TULP4: variants seen among roughly 807,000 people sequenced by gnomAD.
TULP4 encodes the protein TUB like protein 4, also known as tubby-related protein 4.
In TULP4, 16 loss-of-function variants were observed where a neutral mutation model predicts 129.0. The observed-to-expected ratio is 0.12, with a 90% CI of 0.08 to 0.19. The LOEUF (loss-of-function observed/expected upper bound fraction) is 0.19, where lower values mean the gene tolerates loss of function less well. Among genes scored for constraint, TULP4 ranks in the 10% least tolerant of loss-of-function variants. The pLI is 1.00. For synonymous variants in TULP4, 998 were observed against 854.0 expected (o/e 1.17, Z -2.94); for missense variants, 1,842 against 2,059.1 (o/e 0.89, Z 2.04).
At chr6:158,367,105 A>C (rs1401809284) in intron 1 of TULP4, among the ~76,000 whole-genome samples, 1 of 151,904 alleles carries the variant, frequency 6.6e-6, no homozygotes, top group African/African-American at 2.4e-5. Context: ...CTCCAAGACC[A>C]CATCCATGGG....
intron 2 of TULP4, among the ~76,000 whole-genome samples, chr6:158,418,051 A>G (rs1778251204): frequency 6.6e-6 from 1 of 151,250 alleles, no homozygotes; most frequent in African/African-American, 2.4e-5. Flanking sequence ...AACCTTCTGC[A>G]GTTGAAAAAC....
chr6:158,243,759 C>T (rs1777970420), intron 1 of TULP4, among the ~76,000 whole-genome samples: 1 of 151,756 alleles, frequency 6.6e-6, no homozygotes, highest in Non-Finnish European at 1.5e-5. Flanking sequence ...GTGATACTAG[C>T]AACCATTCTT....
chr6:158,242,197 A>G lies in TULP4; in HGVS notation n.68+9894A>G, dbSNP rs1057424197. On this transcript the variant is annotated intron_variant and non_coding_transcript_variant, in intron 1 of 1. Coordinates refer to the TULP4 transcript ENST00000620026. The stretch of plus-strand genomic sequence containing the variant: ...CTCAGTCTCATCAGTGTCTTCTGAT[A>G]ATGAATGGTGGCAAAGACCTTCAGC... 6 of 1,367,408 alleles carry G rather than the reference A, an allele frequency of 4.4e-6. No individual in the cohort carries two copies. The African/African-American group carries it at 8.7e-5, about 20-fold the overall frequency. 84.7% of individuals were successfully genotyped at this position (1,367,408 alleles called of 1,614,324 possible). A position where few individuals can be genotyped will look rare whatever the true frequency, so the allele number is the denominator to read the frequency against.
chr6:158,404,904 T>G (rs1011310017), intron 1 of TULP4, among the ~76,000 whole-genome samples: 3 of 152,168 alleles, frequency 2.0e-5, no homozygotes, highest in Non-Finnish European at 4.4e-5. Context: ...ACTGGTGATA[T>G]TTTAAGCCGA....
Position 158,413,296 on chromosome 6 carries a change from T to G in TULP4, c.381+103T>G. The G allele has an allele frequency of 7.6e-7, 1 of 1,320,930 alleles. No individual in the cohort carries two copies. The highest frequency in any genetic ancestry group is 2.5e-5 in the East Asian group (1 of 40,404). 81.8% of individuals were successfully genotyped at this position (1,320,930 alleles called of 1,614,324 possible). A position where few individuals can be genotyped will look rare whatever the true frequency, so the allele number is the denominator to read the frequency against. On this transcript the variant is annotated intron_variant, in intron 2 of 13. Transcript: ENST00000367097. This position sits in a 1 kb window ranked among gnomAD's most constrained non-coding sequence, Gnocchi z 4.9. Reference sequence around the variant, plus strand: ...GTTAGCACCACACAGCGCCACGTGCTCCAGAGCTGGGGGAAGAGAAATCAA... The same window carrying G: ...GTTAGCACCACACAGCGCCACGTGCGCCAGAGCTGGGGGAAGAGAAATCAA...
intron 1 of TULP4, among the ~76,000 whole-genome samples, chr6:158,351,164 A>G (rs1168762280): frequency 6.6e-6 from 1 of 152,190 alleles, no homozygotes; most frequent in Non-Finnish European, 1.5e-5. Context: ...CCTGAGTTAT[A>G]CAGTACTGAA....
chr6:158,282,046 T>C (rs1778764351), upstream of TULP4, among the ~76,000 whole-genome samples: 1 of 152,208 alleles, frequency 6.6e-6, no homozygotes, highest in Non-Finnish European at 1.5e-5. Context: ...TGTCTTCTTT[T>C]TCTTAGCTCT....
At chr6:158,297,599 T>C (rs1779056706) in intron 1 of TULP4, among the ~76,000 whole-genome samples, 1 of 152,222 alleles carries the variant, frequency 6.6e-6, no homozygotes, top group South Asian at 2.1e-4. Flanking sequence ...TAAGAAATTA[T>C]AAAAGTATTA....
Position 158,421,235 on chromosome 6 carries a change from G to A in TULP4, c.381+8042G>A, listed in dbSNP as rs181651661. Among the ~76,000 whole-genome samples the A allele has an allele frequency of 5.2e-3, 797 of 152,182 alleles. 7 individuals are homozygous for A. The highest frequency in any genetic ancestry group is 0.018 in the African/African-American group (755 of 41,542). On this transcript the variant is annotated intron_variant, in intron 2 of 13. Transcript: ENST00000367097. The stretch of plus-strand genomic sequence containing the variant: ...AAATTAGCCAGGCGTGGTGGCACGC[G>A]CCTGTAGTCCCAGCTACTCGGGAGG...
intron 2 of TULP4, among the ~76,000 whole-genome samples, chr6:158,423,009 GCTCACGCCTGTAAT>G (rs1463634820): frequency 6.6e-6 from 1 of 152,154 alleles, no homozygotes; most frequent in East Asian, 1.9e-4. Context: ...AAACTTACAG[GCTCACGCCTGTAAT>G]CCAAGCTCTC....
At chr6:158,340,523 C>G (rs1462831176) in intron 1 of TULP4, among the ~76,000 whole-genome samples, 1 of 152,094 alleles carries the variant, frequency 6.6e-6, no homozygotes. Flanking sequence ...ACAGAGTTGA[C>G]CGTACTGCTC....
chr6:158,280,796 T>C (rs1253947710), upstream of TULP4, among the ~76,000 whole-genome samples: 1 of 152,258 alleles, frequency 6.6e-6, no homozygotes, highest in East Asian at 1.9e-4. Flanking sequence ...TAATTTGTCA[T>C]CTAAATTAGA....
intron 2 of TULP4, among the ~76,000 whole-genome samples, chr6:158,422,289 T>C (rs1778363438): frequency 1.3e-5 from 2 of 152,286 alleles, no homozygotes; most frequent in Admixed American, 6.5e-5. Flanking sequence ...AAATTGGGCA[T>C]AGCTATAAAT....
intron 5 of TULP4, among the ~76,000 whole-genome samples, chr6:158,453,124 G>A (rs1263686409): frequency 6.6e-6 from 1 of 152,080 alleles, no homozygotes; most frequent in Admixed American, 6.5e-5. Flanking sequence ...AGTCATTACC[G>A]TGCGCTACTG....
At chr6:158,376,881 G>A (rs1280305218) in intron 1 of TULP4, among the ~76,000 whole-genome samples, 1 of 152,244 alleles carries the variant, frequency 6.6e-6, no homozygotes, top group African/African-American at 2.4e-5. Context: ...GAGCAGCTGA[G>A]GGACTCAGGG....
chr6:158,378,065 C>T (rs915998815), intron 1 of TULP4, among the ~76,000 whole-genome samples: 2 of 152,144 alleles, frequency 1.3e-5, no homozygotes, highest in African/African-American at 4.8e-5. Context: ...TCTCTTTGTC[C>T]AGTAGGCTAG....
chr6:158,376,300 G>A (rs1777188658), intron 1 of TULP4, among the ~76,000 whole-genome samples: 1 of 152,208 alleles, frequency 6.6e-6, no homozygotes, highest in Non-Finnish European at 1.5e-5. Context: ...CAGTCGAATG[G>A]TGGGTGGGTG....
At chr6:158,435,801 C>G (rs535355325) in intron 3 of TULP4, among the ~76,000 whole-genome samples, 11 of 152,308 alleles carry the variant, frequency 7.2e-5, no homozygotes, top group South Asian at 2.1e-4. Context: ...TCCTCTCCCC[C>G]CTGCCTCTCC....
intron 1 of TULP4, among the ~76,000 whole-genome samples, chr6:158,303,577 AG>A (rs1454259890): frequency 1.3e-5 from 2 of 152,062 alleles, no homozygotes; most frequent in Non-Finnish European, 2.9e-5. Flanking sequence ...AAAGATCACA[AG>A]GCAAAGGGCA....
Sources: gnomAD v4.1 joint callset for allele counts (sites outside exome capture counted in the v4.1 genomes callset) on GRCh38, gnomAD v4.1.1 for gene constraint, Gnocchi (gnomAD v3.1) non-coding constraint, MANE v1.5 for transcripts, NCBI Gene and HGNC (gene_info 2026-07-23, HGNC 2026-07-21) for gene names.